Variants in DMD observed in about 807,000 individuals in gnomAD.
The protein encoded by DMD is mutant dystrophin.
A neutral mutation model predicts 330.1 loss-of-function variants in DMD; 63 were observed. That is an observed-to-expected ratio of 0.19 (90% CI 0.16 to 0.24). The LOEUF (loss-of-function observed/expected upper bound fraction) is 0.24. Ranked by LOEUF, DMD falls within the 10% of genes least tolerant of loss-of-function variation. DMD has a pLI of 1.00. For missense variants in DMD, 3,344 were observed against 2,684.1 expected (o/e 1.25, Z -5.43); for synonymous variants, 1,223 against 959.8 (o/e 1.27, Z -5.07).
chrX:31,527,923 A>T (rs2073369700), intron 55 of DMD, among the ~76,000 whole-genome samples: 1 of 111,623 alleles, frequency 9.0e-6, no homozygotes, highest in African/African-American at 3.3e-5. Context: ...TACCTAGAGT[A>T]GTTTCTCTTT....
At chrX:32,209,721 G>A (rs2097086229) in intron 44 of DMD, among the ~76,000 whole-genome samples, 1 of 111,043 alleles carries the variant, frequency 9.0e-6, no homozygotes, top group Non-Finnish European at 1.9e-5. Flanking sequence ...ATCCCTTAGG[G>A]ATGACATGTT....
At chrX:32,520,828 C>A (rs1239110086) in intron 17 of DMD, among the ~76,000 whole-genome samples, 1 of 107,999 alleles carries the variant, frequency 9.3e-6, no homozygotes, top group East Asian at 2.9e-4. Flanking sequence ...TCAAATGAAC[C>A]TAGCATCCTG....
At chrX:32,906,607 A>C (rs2086747173) in intron 2 of DMD, among the ~76,000 whole-genome samples, 1 of 111,810 alleles carries the variant, frequency 8.9e-6, no homozygotes, top group Non-Finnish European at 1.9e-5. Flanking sequence ...GGCATGGTCC[A>C]GTTATGTAGG....
chrX:31,427,290 C>T (rs1039189909), intron 60 of DMD, among the ~76,000 whole-genome samples: 5 of 111,406 alleles, frequency 4.5e-5, no homozygotes, highest in African/African-American at 1.6e-4. Context: ...CCTCTTGGAA[C>T]CCTACTCATT....
chrX:31,192,368 G>A (rs771165870), intron 67 of DMD, among the ~76,000 whole-genome samples: 1 of 112,397 alleles, frequency 8.9e-6, no homozygotes, highest in East Asian at 2.8e-4. Flanking sequence ...GGAAACTATA[G>A]TGTACGGACG....
At chrX:33,090,824 TA>T (rs1272094275) in intron 1 of DMD, among the ~76,000 whole-genome samples, 1 of 110,842 alleles carries the variant, frequency 9.0e-6, no homozygotes, top group Non-Finnish European at 1.9e-5. Flanking sequence ...TAATTTTAAG[TA>T]AAAAAAGCTT....
At chrX:32,701,693 G>C (rs951160043) in intron 7 of DMD, among the ~76,000 whole-genome samples, 2 of 110,983 alleles carry the variant, frequency 1.8e-5, no homozygotes, top group African/African-American at 6.6e-5. Context: ...AAACAAAAAG[G>C]GTTGAGCCTG....
At chrX:31,210,747 C>A (rs1347956849) in intron 64 of DMD, among the ~76,000 whole-genome samples, 1 of 112,108 alleles carries the variant, frequency 8.9e-6, no homozygotes, top group African/African-American at 3.2e-5. Flanking sequence ...TCAGTAAACA[C>A]CTTTCCCAGT....
chrX:32,724,223 A>G (rs1489922386), intron 7 of DMD, among the ~76,000 whole-genome samples: 1 of 111,804 alleles, frequency 8.9e-6, no homozygotes, highest in African/African-American at 3.2e-5. Flanking sequence ...AAGTAATAAT[A>G]AACTCTAAAT....
At chrX:32,670,120 T>C (rs2061542556) in intron 9 of DMD, among the ~76,000 whole-genome samples, 1 of 111,875 alleles carries the variant, frequency 8.9e-6, no homozygotes, top group African/African-American at 3.2e-5. Context: ...TATGAAGCTA[T>C]AATTTATGGT....
chrX:32,819,604 A>G (rs56047983), intron 5 of DMD, among the ~76,000 whole-genome samples: 7,673 of 111,665 alleles, frequency 0.069, 618 homozygotes, highest in African/African-American at 0.23. Context: ...GTAGAAAAAC[A>G]GTAATAGGAA....
At chrX:31,455,975 AAC>A (rs952389547) in intron 59 of DMD, among the ~76,000 whole-genome samples, 3 of 111,144 alleles carry the variant, frequency 2.7e-5, no homozygotes, top group African/African-American at 9.8e-5. Flanking sequence ...TCTCTTCAAA[AAC>A]ACAGTGCCTT....
intron 60 of DMD, among the ~76,000 whole-genome samples, chrX:31,433,971 T>G (rs1470970151): frequency 1.8e-5 from 2 of 112,097 alleles, no homozygotes; most frequent in African/African-American, 6.5e-5. Flanking sequence ...ATAGAATGCT[T>G]ACTATATGAA....
intron 7 of DMD, among the ~76,000 whole-genome samples, chrX:32,706,324 G>A (rs1252468598): frequency 9.2e-6 from 1 of 108,282 alleles, no homozygotes; most frequent in Non-Finnish European, 1.9e-5. Context: ...CATGGCACAT[G>A]TATACATATG....
At position 32,468,528 on chromosome X, in the gene DMD, C is replaced by G; in HGVS notation, c.3132G>C (p.Glu1044Asp). 1.7e-6 allele frequency: 2 copies of G among 1,209,181 alleles called. No homozygotes were observed. Among genetic ancestry groups the G allele is most frequent in the Non-Finnish European group, 2.2e-6 (2 of 894,165 alleles). ...SQLVEHCQKL[E>D]EQMNKLRKIQ... is the part of the protein sequence containing the mutation. Reference sequence around the variant, plus strand: ...TTTTTCGGAGTTTATTCATTTGCTCCTCTAGCTTTTGACAATGCTCAACCA... The same window carrying G: ...TTTTTCGGAGTTTATTCATTTGCTCGTCTAGCTTTTGACAATGCTCAACCA... Residue 1044 changes from glutamate to aspartate, a missense_variant, in exon 23 of 79, where the codon GAG (glutamate) becomes GAC (aspartate). Transcript: ENST00000357033.
At chrX:31,493,063 C>T (rs1452797707) in intron 57 of DMD, among the ~76,000 whole-genome samples, 1 of 111,777 alleles carries the variant, frequency 8.9e-6, no homozygotes, top group Admixed American at 9.5e-5. Context: ...GCTCTACACA[C>T]TTTACAAAAA....
chrX:32,016,855 A>C (rs1281914782), intron 44 of DMD, among the ~76,000 whole-genome samples: 1 of 112,740 alleles, frequency 8.9e-6, no homozygotes, highest in African/African-American at 3.2e-5. Flanking sequence ...ATGGGCTGTT[A>C]AACACAGATG....
At chrX:31,838,718 C>A (rs1405808124) in intron 48 of DMD, among the ~76,000 whole-genome samples, 4 of 111,365 alleles carry the variant, frequency 3.6e-5, no homozygotes, top group African/African-American at 1.3e-4. Context: ...CTTCCCCAAC[C>A]CTGATTCCAA....
At chrX:31,310,766 G>C (rs886217753) in intron 62 of DMD, among the ~76,000 whole-genome samples, 11 of 104,253 alleles carry the variant, frequency 1.1e-4, no homozygotes, top group African/African-American at 3.9e-4. Flanking sequence ...TGTTGCTCAG[G>C]CTGGCTTCGA....
Sources: gnomAD v4.1 joint callset for allele counts (sites outside exome capture counted in the v4.1 genomes callset) on GRCh38, gnomAD v4.1.1 for gene constraint, MANE v1.5 for transcripts, NCBI Gene and HGNC (gene_info 2026-07-23, HGNC 2026-07-21) for gene names.